The following EXD3 variants were observed in gnomAD, a reference collection of about 807,000 sequenced individuals.
EXD3 encodes exonuclease mut-7 homolog.
EXD3 carries 92 observed loss-of-function variants against 98.0 expected under a neutral mutation model. That is an observed-to-expected ratio of 0.94 (90% CI 0.79 to 1.12). The LOEUF (loss-of-function observed/expected upper bound fraction) is 1.12, where lower values mean the gene tolerates loss of function less well. EXD3 is among the 50% of genes most tolerant of loss of function. The probability of loss-of-function intolerance (pLI) is 0.00; values close to 1 mark genes in which losing one functional copy is unlikely to be tolerated. For synonymous variants in EXD3, 569 were observed against 526.0 expected, an observed-to-expected ratio of 1.08 and a Z score of -1.12; for missense variants, 1,222 against 1,191.6, an observed-to-expected ratio of 1.03 and a Z score of -0.38.
At chr9:137,310,979 C>T (rs936515369) in intron 19 of EXD3, among the ~76,000 whole-genome samples, 1 of 152,230 alleles carries the variant, frequency 6.6e-6, no homozygotes, top group Non-Finnish European at 1.5e-5. Context: ...GGCCTCGAGG[C>T]CCCTGGAGCC....
chr9:137,373,661 T>C (rs1835754889), intron 3 of EXD3, 62 bp from the exon 4 acceptor site: 1 of 1,486,894 alleles, frequency 6.7e-7, no homozygotes, highest in African/African-American at 1.4e-5. Flanking sequence ...TGGCAAGGCC[T>C]CCCCACCGCA....
intron 1 of EXD3, among the ~76,000 whole-genome samples, chr9:137,418,423 G>A (rs148661621): frequency 3.9e-5 from 6 of 152,186 alleles, no homozygotes; most frequent in African/African-American, 7.2e-5. Flanking sequence ...ATTACTAAGC[G>A]TAAGTTTAAG....
chr9:137,374,812 G>C (rs1255504834), intron 3 of EXD3: 1 of 985,420 alleles, frequency 1.0e-6, no homozygotes, highest in Admixed American at 6.1e-5. Context: ...AGCATCTCAA[G>C]CATCTGGAAC....
At chr9:137,368,231 G>A (rs940917770) in intron 5 of EXD3, among the ~76,000 whole-genome samples, 1 of 152,238 alleles carries the variant, frequency 6.6e-6, no homozygotes, top group Non-Finnish European at 1.5e-5. Context: ...TGGCCTGGAT[G>A]GGGCAGCAGG....
At chr9:137,382,835 C>T (rs1836385345) in intron 3 of EXD3, among the ~76,000 whole-genome samples, 2 of 152,214 alleles carry the variant, frequency 1.3e-5, no homozygotes, top group Non-Finnish European at 2.9e-5. Context: ...GAATCCGCGT[C>T]TGCCCCCACA....
At chr9:137,316,420 C>T (rs1016626013) in intron 19 of EXD3, among the ~76,000 whole-genome samples, 3 of 151,920 alleles carry the variant, frequency 2.0e-5, no homozygotes, top group Non-Finnish European at 2.9e-5. Context: ...CTGGGGGACT[C>T]GGCCCCCCGC....
At chr9:137,353,615 G>C in intron 10 of EXD3, 1 of 986,040 alleles carries the variant, frequency 1.0e-6, no homozygotes, top group South Asian at 4.7e-5. Flanking sequence ...CACCGTGGCA[G>C]CGCCCAGCCC....
chr9:137,412,920 G>A (rs991729602), intron 1 of EXD3, among the ~76,000 whole-genome samples: 10 of 151,866 alleles, frequency 6.6e-5, no homozygotes, highest in African/African-American at 1.9e-4. Flanking sequence ...TGGGACCACC[G>A]GAGTGCACGC....
chr9:137,388,838 C>T (rs974292768), intron 2 of EXD3, among the ~76,000 whole-genome samples: 1 of 152,182 alleles, frequency 6.6e-6, no homozygotes, highest in African/African-American at 2.4e-5. Flanking sequence ...AAGAGCCCGG[C>T]CGCCCAGACC....
At chr9:137,369,317 C>T (rs551941792) in intron 5 of EXD3, among the ~76,000 whole-genome samples, 6 of 152,126 alleles carry the variant, frequency 3.9e-5, no homozygotes, top group Non-Finnish European at 8.8e-5. Flanking sequence ...CACACAAGGG[C>T]TCTGATCCCT....
rs115044498 is a variant in EXD3 at position 137,388,970 on chromosome 9, C to G, written c.56-5593G>C. On this transcript the variant is annotated intron_variant, in intron 2 of 21. Coordinates refer to ENST00000340951, the MANE Select transcript of EXD3 (RefSeq NM_017820.5). The stretch of plus-strand genomic sequence containing the variant: ...ACAGCAGAAAGGGCCAGCCCACGGC[C>G]TCAGCTCCCCTCAGAGACCCCATGG... Among the ~76,000 whole-genome samples the G allele has an allele frequency of 2.6e-3, 397 of 152,302 alleles. 1 individual carries two copies. The highest frequency in any genetic ancestry group is 8.8e-3 in the African/African-American group (364 of 41,558).
chr9:137,361,796 G>C (rs2119277316), intron 7 of EXD3, among the ~76,000 whole-genome samples: 1 of 148,100 alleles, frequency 6.8e-6, no homozygotes, highest in South Asian at 2.2e-4. Flanking sequence ...GGAAATATGA[G>C]GCCAAATGTG....
chr9:137,361,831 G>C (rs1054605394), intron 7 of EXD3, among the ~76,000 whole-genome samples: 1 of 151,392 alleles, frequency 6.6e-6, no homozygotes, highest in African/African-American at 2.4e-5. Context: ...ACCTAGAAAT[G>C]ACATAGATCA....
chr9:137,394,156 C>T (rs1837087520), intron 2 of EXD3, among the ~76,000 whole-genome samples: 1 of 99,238 alleles, frequency 1.0e-5, no homozygotes, highest in African/African-American at 3.6e-5. Context: ...TTTCCCTAAC[C>T]CTGGCCTCCC....
intron 3 of EXD3, among the ~76,000 whole-genome samples, chr9:137,378,446 G>T (rs1319227686): frequency 6.6e-6 from 1 of 152,096 alleles, no homozygotes; most frequent in African/African-American, 2.4e-5. Context: ...CCTGACCTCA[G>T]GTGATCCTAT....
At chr9:137,355,824 G>T (rs1017073907) in intron 8 of EXD3, among the ~76,000 whole-genome samples, 1 of 152,144 alleles carries the variant, frequency 6.6e-6, no homozygotes, top group Non-Finnish European at 1.5e-5. Flanking sequence ...CCCATGGAAG[G>T]GGCCTCAGTG....
At chr9:137,415,261 T>C (rs1365932920) in intron 1 of EXD3, among the ~76,000 whole-genome samples, 1 of 146,400 alleles carries the variant, frequency 6.8e-6, no homozygotes, top group Non-Finnish European at 1.5e-5. Flanking sequence ...TGGAGTGCAG[T>C]GGGGCGATCT....
At chr9:137,372,880 G>C (rs1222303111) in intron 5 of EXD3, 25 bp downstream of exon 5, 2 of 1,595,852 alleles carry the variant, frequency 1.3e-6, no homozygotes, top group Non-Finnish European at 1.7e-6. Flanking sequence ...GTTTCCCCAT[G>C]AGCCCGGCCA....
intron 17 of EXD3, among the ~76,000 whole-genome samples, chr9:137,327,624 T>C (rs377631886): frequency 1.3e-5 from 2 of 151,818 alleles, no homozygotes; most frequent in South Asian, 2.1e-4. Context: ...TTCGTGGTAA[T>C]AACAAATATA....
Sources: gnomAD v4.1 joint callset for allele counts (sites outside exome capture counted in the v4.1 genomes callset) on GRCh38, gnomAD v4.1.1 for gene constraint, MANE v1.5 for transcripts, NCBI Gene and HGNC (gene_info 2026-07-23, HGNC 2026-07-21) for gene names.